The following CUL3 variants were observed in gnomAD, a reference collection of about 807,000 sequenced individuals.
CUL3 encodes cullin-3.
A neutral mutation model predicts 89.1 loss-of-function variants in CUL3; 19 were observed. That is an observed-to-expected ratio of 0.21 (90% CI 0.15 to 0.31). The LOEUF is 0.31. Ranked by LOEUF, CUL3 falls within the 10% of genes least tolerant of loss-of-function variation. The probability of loss-of-function intolerance (pLI) is 1.00; values close to 1 mark genes in which losing one functional copy is unlikely to be tolerated. For missense variants in CUL3, 469 were observed against 942.3 expected, an observed-to-expected ratio of 0.50 and a Z score of 6.58; for synonymous variants, 351 against 308.4, an observed-to-expected ratio of 1.14 and a Z score of -1.45.
chr2:224,499,807 C>G, intron 11 of CUL3: 1 of 210,996 alleles, frequency 4.7e-6, no homozygotes, highest in South Asian at 8.9e-5. Context: ...CTAGTGTTCA[C>G]ACGAGTGGTC....
At chr2:224,479,139 T>A (rs1691435393) in intron 14 of CUL3, 1 of 152,208 alleles carries the variant, frequency 6.6e-6, no homozygotes, top group South Asian at 2.1e-4. Flanking sequence ...GAGATAGATG[T>A]GAAGTTTCTG....
intron 2 of CUL3, among the ~76,000 whole-genome samples, chr2:224,540,758 T>C (rs1204103833): frequency 2.0e-5 from 3 of 152,196 alleles, no homozygotes. Flanking sequence ...GGTATATGTG[T>C]GCCATGGTGG....
chr2:224,513,743 T>C (rs1692928429), intron 4 of CUL3, 105 bp from the exon 5 acceptor site: 2 of 755,694 alleles, frequency 2.6e-6, no homozygotes, highest in Admixed American at 3.2e-5. Context: ...CATTTAACTC[T>C]TACTGAAGTG....
rs968528151 is a variant in CUL3, at chr2:224,526,138, G to C, written c.378+9390C>G. Among the ~76,000 whole-genome samples the C allele has an allele frequency of 1.3e-5, 2 of 152,208 alleles. 1 individual carries two copies. The highest frequency in any genetic ancestry group is 1.3e-4 in the Admixed American group (2 of 15,284). On this transcript the variant is annotated intron_variant, in intron 3 of 15. Coordinates refer to ENST00000264414, the MANE Select transcript of CUL3 (RefSeq NM_003590.5). ...TTACAGATAAGAAAACAAGAGTCTT[G>C]AGAGGGTAAATAACTTGAGCAAATT...
At chr2:224,566,286 A>G (rs762303421) in intron 1 of CUL3, among the ~76,000 whole-genome samples, 3 of 152,234 alleles carry the variant, frequency 2.0e-5, no homozygotes, top group Non-Finnish European at 4.4e-5. Flanking sequence ...CTCACTGTCC[A>G]GGCCAGGCCT....
In CUL3 at chr2:224,585,018, T is replaced by C. The variant is rs1476998206; in HGVS notation, c.-9A>G. On this transcript the variant is annotated 5_prime_UTR_variant, in exon 1 of 16. Coordinates refer to ENST00000264414, the MANE Select transcript of CUL3 (RefSeq NM_003590.5). ...TTGCTCAGATTCGACATGGTGCTCGTCCCCTCCCCGGCGGCGGCTTCAGGT... is the reference window on the plus strand; with the variant it reads ...TTGCTCAGATTCGACATGGTGCTCGCCCCCTCCCCGGCGGCGGCTTCAGGT... 4 of 1,494,232 alleles carry C rather than the reference T, an allele frequency of 2.7e-6. No homozygotes were observed. 92.6% of individuals were successfully genotyped at this position (1,494,232 alleles called of 1,614,324 possible).
chr2:224,538,892 G>A (rs1693987611), intron 2 of CUL3, among the ~76,000 whole-genome samples: 3 of 152,108 alleles, frequency 2.0e-5, no homozygotes, highest in Admixed American at 2.0e-4. Flanking sequence ...TTTTAAGTAC[G>A]ATGCAGTAGT....
chr2:224,569,257 C>T (rs1344045938), intron 1 of CUL3, among the ~76,000 whole-genome samples: 1 of 152,158 alleles, frequency 6.6e-6, no homozygotes, highest in Non-Finnish European at 1.5e-5. Context: ...ACTGCACACA[C>T]ATTTATCATC....
At position 224,506,616 on chromosome 2, in the gene CUL3, C is replaced by T. The variant is rs192294532; in HGVS notation, c.1029+242G>A. Among the ~76,000 whole-genome samples, 76 of 152,284 alleles carry T rather than the reference C, an allele frequency of 5.0e-4. No individual in the cohort carries two copies. In the East Asian group the frequency reaches 0.014, roughly 27 times the overall value. On this transcript the variant is annotated intron_variant, in intron 7 of 15. Transcript: ENST00000264414. ...AAGAACCTCACATTCACTATTGAGGCTATTTAAACAAGGTCTTCATCAAAG... is the reference window on the plus strand; with the variant it reads ...AAGAACCTCACATTCACTATTGAGGTTATTTAAACAAGGTCTTCATCAAAG...
chr2:224,502,953 G>A lies in CUL3; in HGVS notation c.1485+12C>T, dbSNP rs755937189. On this transcript the variant is annotated intron_variant, in intron 10 of 15. Transcript: ENST00000264414. ...CATGAATATCTAAGTAGAAATTAAC[G>A]CAGAATCTTACACCAGTTGCCTGTA... The A allele has an allele frequency of 6.4e-5, 101 of 1,582,824 alleles. No individual in the cohort carries two copies. The highest frequency in any genetic ancestry group is 8.4e-5 in the Non-Finnish European group (97 of 1,152,838).
At chr2:224,483,268 T>C (rs1691595531) in intron 13 of CUL3, among the ~76,000 whole-genome samples, 1 of 152,204 alleles carries the variant, frequency 6.6e-6, no homozygotes, top group African/African-American at 2.4e-5. Flanking sequence ...GAACCAGAAA[T>C]ACCTTAGGTG....
intron 2 of CUL3, among the ~76,000 whole-genome samples, chr2:224,548,798 G>C (rs1040519614): frequency 1.3e-5 from 2 of 151,998 alleles, no homozygotes; most frequent in African/African-American, 4.8e-5. Context: ...TGGAGTTCGA[G>C]ACCAGCCTGG....
intron 1 of CUL3, among the ~76,000 whole-genome samples, chr2:224,572,285 C>T (rs934604822): frequency 6.6e-6 from 1 of 152,076 alleles, no homozygotes; most frequent in African/African-American, 2.4e-5. Flanking sequence ...GTCTCTGCCA[C>T]GGTTTGAATG....
chr2:224,548,412 A>G (rs1040068790), intron 2 of CUL3, among the ~76,000 whole-genome samples: 6 of 152,232 alleles, frequency 3.9e-5, no homozygotes, highest in African/African-American at 9.6e-5. Flanking sequence ...ACGGATAGAA[A>G]AACTTTGAAA....
At chr2:224,571,906 A>C (rs1695189526) in intron 1 of CUL3, among the ~76,000 whole-genome samples, 1 of 152,216 alleles carries the variant, frequency 6.6e-6, no homozygotes, top group Non-Finnish European at 1.5e-5. Flanking sequence ...AGGTAACCCC[A>C]AGTTAAAACC....
intron 1 of CUL3, among the ~76,000 whole-genome samples, chr2:224,578,867 G>A (rs973716302): frequency 6.6e-6 from 1 of 151,862 alleles, no homozygotes; most frequent in African/African-American, 2.4e-5. Context: ...TAAAAAAAAG[G>A]CATACCACTT....
chr2:224,497,586 T>C (rs986517675), intron 12 of CUL3, among the ~76,000 whole-genome samples, 167 bp downstream of exon 12: 5 of 152,166 alleles, frequency 3.3e-5, no homozygotes, highest in African/African-American at 1.2e-4. Context: ...AGTTAGCAAC[T>C]GAGAGAACAG....
chr2:224,577,875 T>C (rs1190098857), intron 1 of CUL3, among the ~76,000 whole-genome samples: 1 of 152,178 alleles, frequency 6.6e-6, no homozygotes, highest in Non-Finnish European at 1.5e-5. Flanking sequence ...CCTTGAGAAA[T>C]ATAATTAATT....
At chr2:224,531,446 AC>A (rs1040520504) in intron 3 of CUL3, among the ~76,000 whole-genome samples, 19 of 151,944 alleles carry the variant, frequency 1.3e-4, no homozygotes, top group Non-Finnish European at 2.2e-4. Context: ...AAAAAAAAAA[AC>A]ATACAATATA....
Sources: gnomAD v4.1 joint callset for allele counts (sites outside exome capture counted in the v4.1 genomes callset) on GRCh38, gnomAD v4.1.1 for gene constraint, MANE v1.5 for transcripts, NCBI Gene and HGNC (gene_info 2026-07-23, HGNC 2026-07-21) for gene names.